The following PNISR variants were observed in gnomAD, a reference collection of about 807,000 sequenced individuals.
PNISR encodes arginine/serine-rich protein PNISR.
Under a neutral mutation model 93.4 loss-of-function variants are expected in PNISR, and 20 were observed. The observed-to-expected ratio is 0.21, with a 90% CI of 0.15 to 0.31. The LOEUF is 0.31. Ranked by LOEUF, PNISR falls within the 10% of genes least tolerant of loss-of-function variation. PNISR has a pLI of 1.00. For synonymous variants in PNISR, 305 were observed against 306.5 expected (o/e 0.99, Z 0.05); for missense variants, 893 against 985.4 (o/e 0.91, Z 1.25).
In PNISR at chr6:99,401,113, C is replaced by T. The variant is rs1397617920; in HGVS notation, c.1845G>A (p.Glu615=). Residue 615 remains glutamate, a synonymous_variant, in exon 12 of 12, where the codon GAG becomes GAA. Coordinates refer to ENST00000369239, the MANE Select transcript of PNISR (RefSeq NM_032870.4). The stretch of plus-strand genomic sequence containing the variant: ...TTGAGCGACTTCTACTTCTACGTCT[C>T]TCTCGGGAAGGACTCCGATTTCGTC... ...ERRRNRSPSR[E]RRRSRSRSRD... is the part of the protein sequence containing the mutation. 6.2e-7 allele frequency: 1 copy of T among 1,613,948 alleles called. No homozygotes were observed. Among genetic ancestry groups the T allele is most frequent in the East Asian group, 2.2e-5 (1 of 44,872 alleles).
rs1777119683 is a variant in PNISR, at chr6:99,412,800, C to G, written c.89-61G>C. The G allele has an allele frequency of 1.8e-5, 18 of 1,009,700 alleles. No individual in the cohort carries two copies. In the South Asian group the frequency reaches 3.8e-4, roughly 21 times the overall value. The allele number at this position is 1,009,700 out of a possible 1,614,324, so 62.5% of individuals were successfully genotyped here. A position where few individuals can be genotyped will look rare whatever the true frequency, so the allele number is the denominator to read the frequency against. ...TGTAGGAGTTAAAAGAATAGTGCCT[C>G]TATGTAAAATAAGCAGCTCAACTAT... On this transcript the variant is annotated intron_variant, in intron 3 of 11. Coordinates refer to ENST00000369239, the MANE Select transcript of PNISR (RefSeq NM_032870.4).
In PNISR at chr6:99,400,854, A is replaced by T. The variant is rs776185301; in HGVS notation, c.2104T>A (p.Phe702Ile). ...CTATCATCCTGACTACTGAACTTAA[A>T]ATCTTTTTCTTCCCTTTTTTGTTTC... ...KEKQKREEKD[F>I]KFSSQDDRLK... Residue 702 changes from phenylalanine (F) to isoleucine (I), a missense_variant, in exon 12 of 12, where the codon TTT becomes ATT. Phe to Ile is a conservative substitution (Grantham distance 21). This residue lies in a region of PNISR where 866 missense variants were observed against 935.1 expected (regional missense o/e 0.93). Transcript: ENST00000369239. 6 of 1,602,988 alleles carry T rather than the reference A, an allele frequency of 3.7e-6. No individual in the cohort carries two copies. The highest frequency in any genetic ancestry group is 5.1e-6 in the Non-Finnish European group (6 of 1,174,178).
intron 1 of PNISR, among the ~76,000 whole-genome samples, chr6:99,417,225 G>T (rs1777819488): frequency 6.6e-6 from 1 of 152,146 alleles, no homozygotes; most frequent in Non-Finnish European, 1.5e-5. Context: ...CCATTTAAAT[G>T]ATGAAAATGA....
At chr6:99,424,957 C>T in intron 1 of PNISR, 1 of 330,764 alleles carries the variant, frequency 3.0e-6, no homozygotes, top group Non-Finnish European at 5.4e-6. Context: ...CAATTAGTCC[C>T]TTCTCGTCCG....
chr6:99,414,498 T>C (rs1777404752), intron 3 of PNISR, 74 bp downstream of exon 3: 2 of 751,498 alleles, frequency 2.7e-6, no homozygotes, highest in African/African-American at 3.5e-5. Context: ...CCATATCCCT[T>C]AATCCCATCA....
At chr6:99,418,843 A>C (rs1420437973) in intron 1 of PNISR, among the ~76,000 whole-genome samples, 2 of 152,158 alleles carry the variant, frequency 1.3e-5, no homozygotes, top group Non-Finnish European at 2.9e-5. Context: ...CCAAATGGTT[A>C]GTCTTTTTAA....
intron 1 of PNISR, among the ~76,000 whole-genome samples, chr6:99,418,447 T>TAAA (rs35015605): frequency 6.2e-5 from 9 of 144,260 alleles, no homozygotes; most frequent in African/African-American, 1.8e-4. Context: ...AAGCTTTTAT[T>TAAA]AAAAAAAAAA....
rs551853088 is a variant in PNISR, at chr6:99,420,302, A to G, written c.-111-3874T>C. 9.4e-4 allele frequency among the ~76,000 whole-genome samples: 143 copies of G among 152,366 alleles called. 1 individual carries two copies. Among genetic ancestry groups the G allele is most frequent in the African/African-American group, 2.8e-3 (116 of 41,586 alleles). On this transcript the variant is annotated intron_variant, in intron 1 of 11. Transcript: ENST00000369239. ...GTAAATTTTGATAATCTTATCCAAAACAGGTAACTCTGGTCATGAAAACAA... is the reference window on the plus strand; with the variant it reads ...GTAAATTTTGATAATCTTATCCAAAGCAGGTAACTCTGGTCATGAAAACAA...
At chr6:99,408,020 A>G in intron 7 of PNISR, 61 bp downstream of exon 7, 1 of 1,215,992 alleles carries the variant, frequency 8.2e-7, no homozygotes, top group Non-Finnish European at 1.2e-6. Context: ...TATCTATTTC[A>G]GTAAAGTTTT....
At chr6:99,419,057 G>A (rs533858701) in intron 1 of PNISR, among the ~76,000 whole-genome samples, 1 of 150,188 alleles carries the variant, frequency 6.7e-6, no homozygotes, top group South Asian at 2.1e-4. Context: ...GGCTGAGGCA[G>A]GAGAACTGCT....
chr6:99,421,650 T>C (rs1236414258), intron 1 of PNISR, among the ~76,000 whole-genome samples: 1 of 152,146 alleles, frequency 6.6e-6, no homozygotes, highest in African/African-American at 2.4e-5. Context: ...TTAGAGAGCA[T>C]GCCCTACCAA....
At chr6:99,421,005 A>G in intron 1 of PNISR, among the ~76,000 whole-genome samples, 1 of 152,266 alleles carries the variant, frequency 6.6e-6, no homozygotes, top group East Asian at 1.9e-4. Flanking sequence ...ATGTTCAACC[A>G]TGAAAATGAC....
intron 4 of PNISR, chr6:99,412,081 C>T (rs1454358262): frequency 6.4e-6 from 2 of 312,698 alleles, no homozygotes; most frequent in East Asian, 7.7e-5. Context: ...TATGAAAGAT[C>T]TTCACTATCT....
Position 99,406,177 on chromosome 6 carries a change from A to C in PNISR, c.865-9T>G, listed in dbSNP as rs778551672. On this transcript the variant is annotated splice_polypyrimidine_tract_variant and intron_variant, in intron 7 of 11. Transcript: ENST00000369239. ...TCTTCCTCATCACTATCCTATAAAA[A>C]ACAATAGTATGGTAGTCCAAATTCA... The C allele has an allele frequency of 6.3e-7, 1 of 1,592,972 alleles. No homozygotes were observed. The highest frequency in any genetic ancestry group is 8.6e-7 in the Non-Finnish European group (1 of 1,163,218).
intron 9 of PNISR, 34 bp downstream of exon 9, chr6:99,404,569 C>T (rs888594664): frequency 2.5e-5 from 30 of 1,180,230 alleles, no homozygotes; most frequent in Non-Finnish European, 3.1e-5. Context: ...CAAAATACCC[C>T]AGGAAAAGCA....
Position 99,399,755 on chromosome 6 carries a change from A to G in PNISR, c.*785T>C, listed in dbSNP as rs774276556. The G allele has an allele frequency of 1.3e-5, 2 of 152,214 alleles. No homozygotes were observed. The highest frequency in any genetic ancestry group is 2.9e-5 in the Non-Finnish European group (2 of 68,026). The allele number at this position is 152,214 out of a possible 1,614,324, so 9.4% of individuals were successfully genotyped here. A position where few individuals can be genotyped will look rare whatever the true frequency, so the allele number is the denominator to read the frequency against. Reference sequence around the variant, plus strand: ...ACTTCCAAATGAAAAGTAAAGGTCTATTTCTAGCCCTCTTTCATACCCTTA... The same window carrying G: ...ACTTCCAAATGAAAAGTAAAGGTCTGTTTCTAGCCCTCTTTCATACCCTTA... On this transcript the variant is annotated 3_prime_UTR_variant, in exon 12 of 12. Transcript: ENST00000369239.
At position 99,425,241 on chromosome 6, in the gene PNISR, C is replaced by G; in HGVS notation, c.-138G>C. 3.2e-6 allele frequency: 4 copies of G among 1,232,150 alleles called. No homozygotes were observed. Among genetic ancestry groups the G allele is most frequent in the Non-Finnish European group, 4.0e-6 (4 of 987,948 alleles). The allele number at this position is 1,232,150 out of a possible 1,614,324, so 76.3% of individuals were successfully genotyped here. On this transcript the variant is annotated 5_prime_UTR_variant, in exon 1 of 12. Coordinates refer to ENST00000369239, the MANE Select transcript of PNISR (RefSeq NM_032870.4). ...CACTCTAGTTCGGGAACACCCTTGT[C>G]GCCGCCGTTCCGGTAACACCTCTCC...
chr6:99,400,455 AAGAGAG>A lies in PNISR; in HGVS notation c.*79_*84del. The stretch of plus-strand genomic sequence containing the variant: ...ATCAAGTACCAAACTGAGTTTATTA[AAGAGAG>A]AGAGAAAGGACACTTTCAACTTTGA... On this transcript the variant is annotated 3_prime_UTR_variant, in exon 12 of 12. Coordinates refer to ENST00000369239, the MANE Select transcript of PNISR (RefSeq NM_032870.4). The A allele has an allele frequency of 6.7e-7, 1 of 1,496,566 alleles. No homozygotes were observed. The allele number at this position is 1,496,566 out of a possible 1,614,324, so 92.7% of individuals were successfully genotyped here. A position where few individuals can be genotyped will look rare whatever the true frequency, so the allele number is the denominator to read the frequency against.
intron 5 of PNISR, chr6:99,410,287 G>A: frequency 6.2e-6 from 1 of 162,286 alleles, no homozygotes; most frequent in Non-Finnish European, 1.3e-5. Flanking sequence ...AACATGTCAT[G>A]TCAGAATGGA....
Sources: gnomAD v4.1 joint callset for allele counts (sites outside exome capture counted in the v4.1 genomes callset) on GRCh38, gnomAD v4.1.1 for gene constraint, gnomAD v4.1.1 regional missense constraint, MANE v1.5 for transcripts, NCBI Gene and HGNC (gene_info 2026-07-23, HGNC 2026-07-21) for gene names.